Variants in SHISA9 observed in about 807,000 individuals in gnomAD.
The protein encoded by SHISA9 is protein shisa-9.
In SHISA9, 13 loss-of-function variants were observed where a neutral mutation model predicts 38.0. The ratio of observed to expected loss-of-function variants is 0.34; its 90% CI spans 0.22 to 0.54. The LOEUF is 0.54. SHISA9 is among the 20% of genes least tolerant of loss of function. The pLI is 0.91. For synonymous variants in SHISA9, 275 were observed against 242.0 expected (o/e 1.14, Z -1.27); for missense variants, 538 against 575.8 (o/e 0.93, Z 0.67).
At chr16:13,041,489 T>C (rs1252749978) in intron 2 of SHISA9, among the ~76,000 whole-genome samples, 2 of 152,230 alleles carry the variant, frequency 1.3e-5, no homozygotes, top group African/African-American at 4.8e-5. Context: ...ACGTATCCCC[T>C]GATATGGCTT....
chr16:13,197,156 T>TAGAG (rs369827299), intron 2 of SHISA9, among the ~76,000 whole-genome samples: 43 of 141,298 alleles, frequency 3.0e-4, no homozygotes, highest in Non-Finnish European at 6.4e-4. Context: ...TATATATATA[T>TAGAG]AGAGAGAGAG....
At chr16:13,020,457 G>A (rs527673387) in intron 2 of SHISA9, among the ~76,000 whole-genome samples, 5 of 152,250 alleles carry the variant, frequency 3.3e-5, no homozygotes, top group African/African-American at 9.6e-5. Flanking sequence ...GAGAACATGC[G>A]GTATTTGGTT....
intron 2 of SHISA9, among the ~76,000 whole-genome samples, chr16:13,121,651 C>T (rs1169793419): frequency 6.6e-6 from 1 of 151,768 alleles, no homozygotes; most frequent in East Asian, 1.9e-4. Flanking sequence ...TTTGAATAAG[C>T]AATATCTGCT....
intron 2 of SHISA9, among the ~76,000 whole-genome samples, chr16:13,107,364 G>GGCAGAGATTGCAGTGA (rs2073936054): frequency 6.6e-6 from 1 of 151,980 alleles, no homozygotes; most frequent in Non-Finnish European, 1.5e-5. Flanking sequence ...GAACCCAGGA[G>GGCAGAGATTGCAGTGA]GCAGAGATTG....
chr16:13,462,772 G>T, the SHISA9 span, among the ~76,000 whole-genome samples: 815 of 152,080 alleles, frequency 5.4e-3, 2 homozygotes, highest in Admixed American at 0.013. Context: ...GACCAGCCTG[G>T]CCAACATGGT....
At chr16:13,197,743 G>C (rs2142048292) in intron 2 of SHISA9, 1 of 152,306 alleles carries the variant, frequency 6.6e-6, no homozygotes, top group Middle Eastern at 3.4e-3. Context: ...ATGGGTGGAG[G>C]GGGGAATTTT....
intron 2 of SHISA9, among the ~76,000 whole-genome samples, chr16:12,927,345 T>G (rs2071403855): frequency 6.6e-6 from 1 of 152,140 alleles, no homozygotes; most frequent in Non-Finnish European, 1.5e-5. Context: ...AGGTATTAGG[T>G]CTGGAGTTGT....
the SHISA9 span, among the ~76,000 whole-genome samples, chr16:13,322,000 C>A: frequency 0.02 from 3,027 of 152,316 alleles, 84 homozygotes; most frequent in African/African-American, 0.069. Context: ...CACTAAACGA[C>A]ACAATAAAAT....
rs1213785140 is a variant in SHISA9, at chr16:13,208,317, C to T, written c.847+4768C>T. On this transcript the variant is annotated intron_variant, in intron 3 of 4. Coordinates refer to ENST00000558583, the MANE Select transcript of SHISA9 (RefSeq NM_001145204.3). ...TAAAGGGTGTTAATGTTGGTTGTTC[C>T]TGAGGCAAATTCTCCCCAAACCTGC... 2.6e-5 allele frequency among the ~76,000 whole-genome samples: 4 copies of T among 152,196 alleles called. No individual in the cohort carries two copies. The East Asian group carries it at 5.8e-4, about 22-fold the overall frequency.
At chr16:13,054,987 G>T (rs538769189) in intron 2 of SHISA9, among the ~76,000 whole-genome samples, 1 of 152,212 alleles carries the variant, frequency 6.6e-6, no homozygotes, top group African/African-American at 2.4e-5. Flanking sequence ...CTTCAGTGAC[G>T]TTTCCAAAGC....
the SHISA9 span, among the ~76,000 whole-genome samples, chr16:13,340,349 G>A: frequency 1.3e-5 from 2 of 152,202 alleles, no homozygotes; most frequent in African/African-American, 4.8e-5. Flanking sequence ...GGAACATATA[G>A]GGGACAGTGT....
intron 2 of SHISA9, among the ~76,000 whole-genome samples, chr16:13,106,440 G>A (rs187215765): frequency 3.7e-4 from 57 of 152,216 alleles, no homozygotes; most frequent in Admixed American, 1.3e-3. Flanking sequence ...CCTTGTTATA[G>A]GATAATAATA....
the SHISA9 span, among the ~76,000 whole-genome samples, chr16:13,473,966 G>T: frequency 6.6e-6 from 1 of 152,172 alleles, no homozygotes. Context: ...TATACAGTAA[G>T]AAATGAATGT....
the SHISA9 span, among the ~76,000 whole-genome samples, chr16:13,550,057 T>A: frequency 6.7e-6 from 1 of 149,634 alleles, no homozygotes. Context: ...ATATTAGAGC[T>A]GAGAACTCAA....
the SHISA9 span, among the ~76,000 whole-genome samples, chr16:13,468,609 G>A: frequency 0.029 from 4,428 of 152,130 alleles, 100 homozygotes; most frequent in Middle Eastern, 0.1. Flanking sequence ...GAAGTAATAG[G>A]AGGTCCATTC....
At chr16:13,277,876 C>T in the SHISA9 span, among the ~76,000 whole-genome samples, 11 of 152,090 alleles carry the variant, frequency 7.2e-5, no homozygotes, top group East Asian at 1.9e-4. Flanking sequence ...GACGATTTAA[C>T]GTCCTCTTTA....
chr16:13,445,794 T>G, the SHISA9 span, among the ~76,000 whole-genome samples: 1 of 152,188 alleles, frequency 6.6e-6, no homozygotes, highest in African/African-American at 2.4e-5. Context: ...ACTTTACCAC[T>G]TACCAGTTAT....
intron 2 of SHISA9, among the ~76,000 whole-genome samples, chr16:12,987,071 AC>A (rs1196293354): frequency 2.6e-5 from 4 of 152,194 alleles, no homozygotes; most frequent in African/African-American, 9.6e-5. Flanking sequence ...AGGAACTGGC[AC>A]AGGTAAATCA....
At chr16:13,472,746 C>A in the SHISA9 span, among the ~76,000 whole-genome samples, 1 of 152,068 alleles carries the variant, frequency 6.6e-6, no homozygotes, top group Non-Finnish European at 1.5e-5. Flanking sequence ...TTGATAGTTT[C>A]TCTTGCTATG....
Sources: gnomAD v4.1 joint callset for allele counts (sites outside exome capture counted in the v4.1 genomes callset) on GRCh38, gnomAD v4.1.1 for gene constraint, MANE v1.5 for transcripts, NCBI Gene and HGNC (gene_info 2026-07-23, HGNC 2026-07-21) for gene names.